The following TBC1D5 variants were observed in gnomAD, a reference collection of about 807,000 sequenced individuals.
The protein encoded by TBC1D5 is TBC1 domain family, member 5.
In TBC1D5, 75 loss-of-function variants were observed where a neutral mutation model predicts 100.3. The ratio of observed to expected loss-of-function variants is 0.75; its 90% CI spans 0.62 to 0.91. TBC1D5 has a LOEUF of 0.91. Among genes scored for constraint, TBC1D5 ranks in the 40% least tolerant of loss-of-function variants. The pLI is 0.00. For synonymous variants in TBC1D5, 323 were observed against 325.6 expected (o/e 0.99, Z 0.09); for missense variants, 910 against 942.4 (o/e 0.97, Z 0.45).
intron 3 of TBC1D5, among the ~76,000 whole-genome samples, chr3:17,445,446 T>C (rs2094767381): frequency 6.6e-6 from 1 of 151,994 alleles, no homozygotes; most frequent in Admixed American, 6.6e-5. Context: ...ATATAATATA[T>C]AAGCCTCAAT....
chr3:17,292,864 GA>G (rs1389271902), intron 14 of TBC1D5, among the ~76,000 whole-genome samples: 3 of 151,978 alleles, frequency 2.0e-5, no homozygotes, highest in Admixed American at 1.3e-4. Context: ...TCAGTTACTT[GA>G]AAAATGTTCC....
At chr3:17,732,152 T>G (rs1438219325) in intron 1 of TBC1D5, among the ~76,000 whole-genome samples, 2 of 151,806 alleles carry the variant, frequency 1.3e-5, no homozygotes, top group South Asian at 2.1e-4. Flanking sequence ...ACCCCATCTC[T>G]ACTAAAAATA....
At chr3:17,259,508 TATAA>T (rs1405790491) in intron 15 of TBC1D5, among the ~76,000 whole-genome samples, 1 of 152,210 alleles carries the variant, frequency 6.6e-6, no homozygotes, top group Non-Finnish European at 1.5e-5. Flanking sequence ...TTTAAAACCT[TATAA>T]ATAAATGTGT....
intron 15 of TBC1D5, among the ~76,000 whole-genome samples, chr3:17,261,808 A>T (rs2078321362): frequency 6.6e-6 from 1 of 151,286 alleles, no homozygotes; most frequent in Non-Finnish European, 1.5e-5. Context: ...CATGTGTGAG[A>T]CACCACGCTT....
chr3:17,498,095 T>C (rs2095737685), intron 3 of TBC1D5, among the ~76,000 whole-genome samples: 1 of 152,146 alleles, frequency 6.6e-6, no homozygotes, highest in African/African-American at 2.4e-5. Context: ...TTATGATTTA[T>C]GATTTTCTTA....
At chr3:17,576,946 T>C (rs1373270174) in intron 2 of TBC1D5, among the ~76,000 whole-genome samples, 6 of 152,014 alleles carry the variant, frequency 3.9e-5, no homozygotes, top group Non-Finnish European at 5.9e-5. Flanking sequence ...ACATGTAATA[T>C]AGGAAAAAAA....
chr3:17,544,628 G>A (rs1163901627), intron 2 of TBC1D5, among the ~76,000 whole-genome samples: 2 of 144,986 alleles, frequency 1.4e-5, no homozygotes, highest in Non-Finnish European at 3.0e-5. Flanking sequence ...TACAACCTGG[G>A]CGACAAAGTG....
chr3:17,721,591 G>C (rs1480886917), intron 1 of TBC1D5, among the ~76,000 whole-genome samples: 1 of 152,074 alleles, frequency 6.6e-6, no homozygotes, highest in Non-Finnish European at 1.5e-5. Flanking sequence ...GTGAAGCTAT[G>C]AGCCTGGCTG....
chr3:17,194,381 C>G (rs1056639595), intron 18 of TBC1D5, among the ~76,000 whole-genome samples: 3 of 152,130 alleles, frequency 2.0e-5, no homozygotes, highest in Non-Finnish European at 4.4e-5. Context: ...TCCAGGAGAG[C>G]CTTCCAATCT....
intron 13 of TBC1D5, among the ~76,000 whole-genome samples, chr3:17,344,860 C>T (rs1224186393): frequency 6.6e-6 from 1 of 152,088 alleles, no homozygotes; most frequent in Admixed American, 6.5e-5. Flanking sequence ...AACTGGCTAG[C>T]CATATGTAGA....
chr3:17,604,881 G>C (rs1315701825), intron 2 of TBC1D5, among the ~76,000 whole-genome samples: 4 of 152,070 alleles, frequency 2.6e-5, no homozygotes, highest in African/African-American at 7.2e-5. Context: ...TCACCATGTT[G>C]GCCAGGCTGG....
chr3:17,483,615 C>A (rs1491003698), intron 3 of TBC1D5, among the ~76,000 whole-genome samples: 1 of 152,122 alleles, frequency 6.6e-6, no homozygotes, highest in Non-Finnish European at 1.5e-5. Flanking sequence ...AATTACAAAA[C>A]TCACAATTGA....
chr3:17,334,911 G>T (rs958347825), intron 13 of TBC1D5, among the ~76,000 whole-genome samples: 1 of 151,944 alleles, frequency 6.6e-6, no homozygotes, highest in Non-Finnish European at 1.5e-5. Flanking sequence ...TCAATTTTGG[G>T]GGGAAAATCT....
At chr3:17,689,140 G>A (rs536046383) in intron 1 of TBC1D5, among the ~76,000 whole-genome samples, 1 of 152,144 alleles carries the variant, frequency 6.6e-6, no homozygotes, top group East Asian at 1.9e-4. Context: ...GAAAAACAAA[G>A]GAAAAGACAT....
intron 2 of TBC1D5, among the ~76,000 whole-genome samples, chr3:17,614,767 C>T (rs1341726580): frequency 6.6e-6 from 1 of 152,184 alleles, no homozygotes; most frequent in Admixed American, 6.5e-5. Flanking sequence ...TGCTTATCAG[C>T]TTAAGGAGAT....
At chr3:17,577,805 C>A (rs958714351) in intron 2 of TBC1D5, among the ~76,000 whole-genome samples, 1 of 151,890 alleles carries the variant, frequency 6.6e-6, no homozygotes, top group African/African-American at 2.4e-5. Context: ...CAAACTACTG[C>A]AATTAATATG....
chr3:17,455,448 ATATGTG>A (rs1559924300), intron 3 of TBC1D5, among the ~76,000 whole-genome samples: 1 of 146,578 alleles, frequency 6.8e-6, no homozygotes, highest in African/African-American at 2.5e-5. Flanking sequence ...GTGTATATAT[ATATGTG>A]TGTGTATATA....
intron 16 of TBC1D5, among the ~76,000 whole-genome samples, chr3:17,258,029 T>A (rs2077884379): frequency 1.3e-5 from 2 of 152,198 alleles, no homozygotes; most frequent in Non-Finnish European, 2.9e-5. Flanking sequence ...TAATGTTTTT[T>A]ATTCCTACAG....
intron 3 of TBC1D5, among the ~76,000 whole-genome samples, chr3:17,495,043 T>C (rs1576352689): frequency 1.3e-5 from 2 of 152,182 alleles, no homozygotes; most frequent in African/African-American, 4.8e-5. Flanking sequence ...GGCTCCCGGG[T>C]GGCCCCTTGC....
Sources: gnomAD v4.1 joint callset for allele counts (sites outside exome capture counted in the v4.1 genomes callset) on GRCh38, gnomAD v4.1.1 for gene constraint, MANE v1.5 for transcripts, NCBI Gene and HGNC (gene_info 2026-07-23, HGNC 2026-07-21) for gene names.